Variants in C16orf96 observed in about 807,000 individuals in gnomAD.
The protein encoded by C16orf96 is chromosome 16 open reading frame 96, also known as uncharacterized protein C16orf96.
In C16orf96, 108 loss-of-function variants were observed where a neutral mutation model predicts 103.6. That is an observed-to-expected ratio of 1.04 (90% CI 0.89 to 1.22). The LOEUF (loss-of-function observed/expected upper bound fraction) is 1.22. C16orf96 is among the 50% of genes most tolerant of loss of function. The pLI is 0.00. For synonymous variants in C16orf96, 566 were observed against 593.5 expected, an observed-to-expected ratio of 0.95 and a Z score of 0.67; for missense variants, 1,586 against 1,464.2, an observed-to-expected ratio of 1.08 and a Z score of -1.36.
chr16:4,575,702 T>A lies in C16orf96; in HGVS notation c.1222T>A (p.Trp408Arg). Residue 408 changes from tryptophan to arginine, a missense_variant, in exon 5 of 16, where the codon TGG becomes AGG. Coordinates refer to ENST00000444310, the MANE Select transcript of C16orf96 (RefSeq NM_001145011.2). Reference sequence around the variant, plus strand: ...GCCCAGGGTGGGCTCTTGGCCTCTGTGGGACTTAGGTGTCCTGCGGCCAAC... The same window carrying A: ...GCCCAGGGTGGGCTCTTGGCCTCTGAGGGACTTAGGTGTCCTGCGGCCAAC... ...GWPRVGSWPL[W>R]DLGVLRPTQP... The A allele has an allele frequency of 6.5e-7, 1 of 1,534,444 alleles. No homozygotes were observed. The highest frequency in any genetic ancestry group is 8.8e-7 in the Non-Finnish European group (1 of 1,139,234).
chr16:4,547,088 T>A, the C16orf96 span, among the ~76,000 whole-genome samples: 27 of 152,210 alleles, frequency 1.8e-4, 1 homozygote, highest in African/African-American at 6.3e-4. Flanking sequence ...CCGCCCCCGG[T>A]GAAAGAAGCC....
chr16:4,571,730 T>C, intron 2 of C16orf96, 65 bp downstream of exon 2: 1 of 1,383,286 alleles, frequency 7.2e-7, no homozygotes, highest in Non-Finnish European at 1.0e-6. Flanking sequence ...GTTGGAGCAA[T>C]GAGGAAAATC....
chr16:4,598,980 G>C (rs77057680), intron 14 of C16orf96, among the ~76,000 whole-genome samples: 8,289 of 152,010 alleles, frequency 0.055, 359 homozygotes, highest in South Asian at 0.14. Context: ...TTAACCGGGA[G>C]TAGTGGGGCA....
chr16:4,566,314 C>G (rs1274992041), intron 1 of C16orf96, among the ~76,000 whole-genome samples: 1 of 152,182 alleles, frequency 6.6e-6, no homozygotes, highest in Non-Finnish European at 1.5e-5. Context: ...ATGAGAATTA[C>G]GATTTCTCCT....
chr16:4,595,632 C>T (rs1333056793), intron 14 of C16orf96, among the ~76,000 whole-genome samples: 2 of 152,224 alleles, frequency 1.3e-5, no homozygotes, highest in Non-Finnish European at 2.9e-5. Flanking sequence ...CCATAAGGAG[C>T]AGTCCCGGAG....
chr16:4,580,189 T>C, intron 7 of C16orf96, 64 bp downstream of exon 7: 1 of 1,294,936 alleles, frequency 7.7e-7, no homozygotes. Context: ...CTAGACCTTC[T>C]GGCCCTTCCC....
chr16:4,580,225 C>A, intron 7 of C16orf96, 100 bp downstream of exon 7: 1 of 893,748 alleles, frequency 1.1e-6, no homozygotes, highest in Non-Finnish European at 1.6e-6. Context: ...GGTGGGGATG[C>A]ACTTGAGGCT....
chr16:4,564,936 G>A (rs1352199487), intron 1 of C16orf96, among the ~76,000 whole-genome samples: 6 of 152,198 alleles, frequency 3.9e-5, no homozygotes, highest in Non-Finnish European at 7.3e-5. Context: ...TAATGGTAAC[G>A]AACACTCAGA....
At chr16:4,554,273 G>C (rs139278511), upstream of C16orf96, among the ~76,000 whole-genome samples, 772 of 152,314 alleles carry the variant, frequency 5.1e-3, 6 homozygotes, top group African/African-American at 0.018. Context: ...AGCAGAGCAG[G>C]GTCTGGTGAG....
intron 9 of C16orf96, among the ~76,000 whole-genome samples, chr16:4,588,632 C>T (rs1896984710): frequency 6.6e-6 from 1 of 151,468 alleles, no homozygotes; most frequent in Non-Finnish European, 1.5e-5. Flanking sequence ...ACTTGAGAGT[C>T]CTCATGACAT....
intron 8 of C16orf96, among the ~76,000 whole-genome samples, chr16:4,587,500 C>A (rs180882700): frequency 4.7e-5 from 7 of 148,920 alleles, no homozygotes; most frequent in East Asian, 2.0e-4. Flanking sequence ...TGCACTCCAG[C>A]CTGGGCAACA....
At position 4,578,965 on chromosome 16, in the gene C16orf96, C is replaced by T. The variant is rs899639289; in HGVS notation, c.2181C>T (p.Leu727=). Reference sequence around the variant, plus strand: ...CCAATATGGGAGGTCCTTCCAGCCTCGGGACAACAGTGGACATATTGCAGA... The same window carrying T: ...CCAATATGGGAGGTCCTTCCAGCCTTGGGACAACAGTGGACATATTGCAGA... ...YLANMGGPSS[L]GTTVDILQKK... The change falls in exon 6 of 16, where the codon CTC becomes CTT. Residue 727 remains leucine, a synonymous_variant. Coordinates refer to ENST00000444310, the MANE Select transcript of C16orf96 (RefSeq NM_001145011.2). 8.4e-6 allele frequency: 13 copies of T among 1,551,230 alleles called. No homozygotes were observed. The African/African-American group carries it at 9.6e-5, about 11-fold the overall frequency.
Position 4,593,690 on chromosome 16 carries a change from GCA to G in C16orf96, c.2867+376_2867+377del, listed in dbSNP as rs1897111052. ...AGGGAGCCGCTGCTGTGCCCGGCAG[GCA>G]CTGTGCCAAGCGCTGGGGCTCACCT... On this transcript the variant is annotated intron_variant, in intron 12 of 15. Coordinates refer to ENST00000444310, the MANE Select transcript of C16orf96 (RefSeq NM_001145011.2). The surrounding 1 kb of genome is among the most constrained non-coding windows in gnomAD (Gnocchi z 4.2). Among the ~76,000 whole-genome samples the G allele has an allele frequency of 6.6e-6, 1 of 152,154 alleles. No homozygotes were observed. Among genetic ancestry groups the G allele is most frequent in the African/African-American group, 2.4e-5 (1 of 41,422 alleles).
rs2059564148 is a variant in C16orf96, at chr16:4,580,014, G to A, written c.2242-1G>A. 1 of 1,550,896 alleles carries A rather than the reference G, an allele frequency of 6.4e-7. No individual in the cohort carries two copies. Among genetic ancestry groups the A allele is most frequent in the African/African-American group, 1.4e-5 (1 of 73,092 alleles). Reference sequence around the variant, plus strand: ...GGGGTGTCTGTGTCTCCCCCTTTTAGGAGGAAGAACTTGAGAGAATTTGGG... The same window carrying A: ...GGGGTGTCTGTGTCTCCCCCTTTTAAGAGGAAGAACTTGAGAGAATTTGGG... On this transcript the variant is annotated splice_acceptor_variant, in intron 6 of 15. Transcript: ENST00000444310. LOFTEE classifies it high-confidence loss of function.
intron 9 of C16orf96, 50 bp downstream of exon 9, chr16:4,588,381 G>T: frequency 1.3e-6 from 2 of 1,512,426 alleles, no homozygotes; most frequent in South Asian, 2.5e-5. Flanking sequence ...AATTAACCCA[G>T]AACTTAGCAA....
intron 1 of C16orf96, chr16:4,562,729 A>G (rs760401238): frequency 1.7e-6 from 1 of 594,836 alleles, no homozygotes; most frequent in Non-Finnish European, 2.8e-6. Flanking sequence ...AGCTTGGAGA[A>G]CATTTAGAAA....
At chr16:4,552,681 C>T (rs190491442), upstream of C16orf96, among the ~76,000 whole-genome samples, 7 of 152,032 alleles carry the variant, frequency 4.6e-5, no homozygotes, top group East Asian at 3.9e-4. Context: ...TGGTGGGTTC[C>T]GGTCGAGGGC....
chr16:4,576,745 C>A (rs1338589221), intron 5 of C16orf96, 110 bp downstream of exon 5: 1 of 1,055,014 alleles, frequency 9.5e-7, no homozygotes, highest in African/African-American at 1.6e-5. Context: ...ATCTGCATTC[C>A]ACCATTAGCC....
In C16orf96 at chr16:4,579,038, G is replaced by A. The variant is rs745366512; in HGVS notation, c.2241+13G>A. On this transcript the variant is annotated intron_variant, in intron 6 of 15. Transcript: ENST00000444310. Reference sequence around the variant, plus strand: ...ATCTAGGCTCAAGGTTAGTGTCTCCGGCGAAGGGCTTTTGAGGCAGTGATG... The same window carrying A: ...ATCTAGGCTCAAGGTTAGTGTCTCCAGCGAAGGGCTTTTGAGGCAGTGATG... 25 of 1,550,312 alleles carry A rather than the reference G, an allele frequency of 1.6e-5. No homozygotes were observed. The highest frequency in any genetic ancestry group is 1.7e-5 in the Non-Finnish European group (20 of 1,146,022).
Sources: allele counts gnomAD v4.1 joint callset (sites outside exome capture counted in the v4.1 genomes callset), GRCh38; gene constraint gnomAD v4.1.1; non-coding constraint Gnocchi (gnomAD v3.1); transcripts MANE v1.5; gene names NCBI Gene and HGNC (gene_info 2026-07-23, HGNC 2026-07-21).